The following LRRC28 variants were observed in gnomAD, a reference collection of about 807,000 sequenced individuals.
LRRC28 encodes the protein leucine rich repeat containing 28.
LRRC28 carries 39 observed loss-of-function variants against 45.7 expected under a neutral mutation model. The ratio of observed to expected loss-of-function variants is 0.85; its 90% CI spans 0.66 to 1.12. The LOEUF (loss-of-function observed/expected upper bound fraction) is 1.12. LRRC28 is among the 50% of genes most tolerant of loss of function. LRRC28 has a pLI of 0.00. For synonymous variants in LRRC28, 206 were observed against 178.8 expected (o/e 1.15, Z -1.22); for missense variants, 435 against 438.5 (o/e 0.99, Z 0.07).
chr15:99,256,912 A>G (rs947785621), intron 2 of LRRC28, among the ~76,000 whole-genome samples: 1 of 152,142 alleles, frequency 6.6e-6, no homozygotes, highest in Non-Finnish European at 1.5e-5. Flanking sequence ...ACTTAACCTT[A>G]TTTGAATCTT....
intron 2 of LRRC28, chr15:99,259,519 G>A: frequency 8.5e-7 from 1 of 1,174,134 alleles, no homozygotes; most frequent in Non-Finnish European, 1.3e-6. Flanking sequence ...AAAAGGCTAT[G>A]GTATCTCAGT....
At chr15:99,380,263 G>C (rs1465055386) in intron 9 of LRRC28, among the ~76,000 whole-genome samples, 1 of 152,208 alleles carries the variant, frequency 6.6e-6, no homozygotes, top group African/African-American at 2.4e-5. Flanking sequence ...AGCTCTTCTT[G>C]TTGAATTGAT....
chr15:99,253,159 C>T (rs528559327), intron 1 of LRRC28, among the ~76,000 whole-genome samples: 1 of 151,092 alleles, frequency 6.6e-6, no homozygotes, highest in South Asian at 2.1e-4. Flanking sequence ...CTCGCTCTGT[C>T]GCTCAGGTTG....
chr15:99,359,714 A>G (rs1248979395), intron 7 of LRRC28, among the ~76,000 whole-genome samples: 1 of 152,240 alleles, frequency 6.6e-6, no homozygotes, highest in African/African-American at 2.4e-5. Context: ...GAAAACATTG[A>G]AACCAGGATA....
At chr15:99,385,455 C>G (rs565589868) in intron 9 of LRRC28, among the ~76,000 whole-genome samples, 2 of 152,332 alleles carry the variant, frequency 1.3e-5, no homozygotes, top group South Asian at 4.1e-4. Flanking sequence ...TCAGAGGCCC[C>G]CTGGGGCTCA....
At chr15:99,300,293 A>T (rs907116864) in intron 5 of LRRC28, among the ~76,000 whole-genome samples, 5 of 152,008 alleles carry the variant, frequency 3.3e-5, no homozygotes, top group Non-Finnish European at 7.4e-5. Context: ...TGAAAGATAT[A>T]TATGGATGTT....
At chr15:99,293,898 T>C (rs556013992) in intron 5 of LRRC28, among the ~76,000 whole-genome samples, 1 of 152,326 alleles carries the variant, frequency 6.6e-6, no homozygotes, top group South Asian at 2.1e-4. Context: ...TCAGTTTTTC[T>C]TTATGCAAAA....
At chr15:99,271,999 T>C (rs2081494565) in intron 2 of LRRC28, among the ~76,000 whole-genome samples, 1 of 152,246 alleles carries the variant, frequency 6.6e-6, no homozygotes. Context: ...TGTTTTCTTC[T>C]ATGAAGTGTG....
At chr15:99,337,674 G>A (rs1053626443) in intron 6 of LRRC28, among the ~76,000 whole-genome samples, 3 of 152,214 alleles carry the variant, frequency 2.0e-5, no homozygotes, top group Admixed American at 2.0e-4. Flanking sequence ...AGAGGCAAGA[G>A]GGTCTGCTCT....
In LRRC28 at chr15:99,340,672, G is replaced by T. The variant is rs551528545; in HGVS notation, c.592+6543G>T. The stretch of plus-strand genomic sequence containing the variant: ...GTGGCCTTAAGTAAATTTCAGTAAA[G>T]AACTTCATTCTAGTATGGACAAAAA... On this transcript the variant is annotated intron_variant, in intron 6 of 9. Transcript: ENST00000301981. Among the ~76,000 whole-genome samples the T allele has an allele frequency of 2.6e-5, 4 of 152,296 alleles. No homozygotes were observed. In the East Asian group the frequency reaches 7.7e-4, roughly 29 times the overall value.
chr15:99,263,475 A>G (rs1034679535), intron 2 of LRRC28, among the ~76,000 whole-genome samples: 3 of 152,242 alleles, frequency 2.0e-5, no homozygotes, highest in Non-Finnish European at 2.9e-5. Flanking sequence ...AATAGATATT[A>G]GAAGTAATAT....
chr15:99,383,405 G>A (rs1957888768), intron 9 of LRRC28, among the ~76,000 whole-genome samples: 1 of 152,152 alleles, frequency 6.6e-6, no homozygotes, highest in Non-Finnish European at 1.5e-5. Context: ...CTTATTTGTT[G>A]TATTTTGTCC....
chr15:99,353,885 G>A (rs939673954), intron 7 of LRRC28: 1 of 151,992 alleles, frequency 6.6e-6, no homozygotes, highest in African/African-American at 2.4e-5. Context: ...GTGCTAAGTA[G>A]AGAGATATTT....
At chr15:99,322,121 A>G (rs1955819029) in intron 5 of LRRC28, among the ~76,000 whole-genome samples, 3 of 152,172 alleles carry the variant, frequency 2.0e-5, no homozygotes, top group Admixed American at 2.0e-4. Context: ...ATTGGGCCAG[A>G]CAGAAGGAAG....
At chr15:99,345,482 G>A (rs1956650784) in intron 6 of LRRC28, among the ~76,000 whole-genome samples, 1 of 152,114 alleles carries the variant, frequency 6.6e-6, no homozygotes, top group South Asian at 2.1e-4. Flanking sequence ...TTGGAAAAAT[G>A]TCTGTTTAGA....
intron 9 of LRRC28, among the ~76,000 whole-genome samples, chr15:99,373,175 A>G (rs190881707): frequency 3.0e-4 from 45 of 152,262 alleles, no homozygotes; most frequent in Non-Finnish European, 5.6e-4. Flanking sequence ...TATGAAATGT[A>G]TCCCTTGTAT....
chr15:99,287,422 CCAGTT>C, intron 4 of LRRC28, 128 bp downstream of exon 4: 1 of 633,966 alleles, frequency 1.6e-6, no homozygotes, highest in East Asian at 3.2e-5. Flanking sequence ...TCTAATAAGT[CCAGTT>C]AAGAACTATA....
At chr15:99,373,731 G>T (rs562762934) in intron 9 of LRRC28, among the ~76,000 whole-genome samples, 2 of 152,196 alleles carry the variant, frequency 1.3e-5, no homozygotes, top group East Asian at 3.9e-4. Flanking sequence ...AATTTCCTGA[G>T]TTAAGAAAAA....
In LRRC28 at chr15:99,377,903, G is replaced by T. The variant is rs530760803; in HGVS notation, c.1032-8127G>T. On this transcript the variant is annotated intron_variant, in intron 9 of 9. Coordinates refer to ENST00000301981, the MANE Select transcript of LRRC28 (RefSeq NM_144598.5). ...CTCTGTTCTGTTCCATTGGTCTATAGCTCTGTTTTGGTACCAGTACCATGC... is the reference window on the plus strand; with the variant it reads ...CTCTGTTCTGTTCCATTGGTCTATATCTCTGTTTTGGTACCAGTACCATGC... Among the ~76,000 whole-genome samples the T allele has an allele frequency of 6.6e-5, 10 of 151,078 alleles. No individual in the cohort carries two copies. The East Asian group carries it at 9.7e-4, about 15-fold the overall frequency.
Sources: allele counts gnomAD v4.1 joint callset (sites outside exome capture counted in the v4.1 genomes callset), GRCh38; gene constraint gnomAD v4.1.1; transcripts MANE v1.5; gene names NCBI Gene and HGNC (gene_info 2026-07-23, HGNC 2026-07-21).